TRPM3: variants seen among roughly 807,000 people sequenced by gnomAD.
TRPM3 encodes long transient receptor potential channel 3.
A neutral mutation model predicts 181.2 loss-of-function variants in TRPM3; 77 were observed. The observed-to-expected ratio is 0.42, with a 90% CI of 0.35 to 0.51. The LOEUF is 0.51. Among genes scored for constraint, TRPM3 ranks in the 20% least tolerant of loss-of-function variants. TRPM3 has a pLI of 0.01. For missense variants in TRPM3, 1,759 were observed against 2,196.7 expected, an observed-to-expected ratio of 0.80 and a Z score of 3.98; for synonymous variants, 745 against 796.4, an observed-to-expected ratio of 0.94 and a Z score of 1.09.
At chr9:71,157,304 G>A (rs1381843113) in intron 1 of TRPM3, among the ~76,000 whole-genome samples, 3 of 152,060 alleles carry the variant, frequency 2.0e-5, no homozygotes, top group Non-Finnish European at 4.4e-5. Flanking sequence ...CTTTAAAAAA[G>A]TCAGAAGCAG....
rs756406816 is a variant in TRPM3 at position 70,549,638 on chromosome 9, T to C, written c.3611A>G (p.His1204Arg). 1 of 1,611,678 alleles carries C rather than the reference T, an allele frequency of 6.2e-7. No homozygotes were observed. The highest frequency in any genetic ancestry group is 8.5e-7 in the Non-Finnish European group (1 of 1,179,800). Residue 1204 changes from histidine (H) to arginine (R), a missense_variant, in exon 25 of 26, where the codon CAT becomes CGT. By Grantham distance (29) the His-to-Arg change is conservative. Coordinates refer to ENST00000677713, the MANE Select transcript of TRPM3 (RefSeq NM_001366145.2). ...FITDDELKKV[H>R]DFEEQCIEEY... ...TTCTATGCATTGCTCTTCAAAGTCA[T>C]GTACTTTCTTGAGCTCATCATCGGT...
Position 70,535,861 on chromosome 9 carries a change from G to A in TRPM3, c.*92C>T. The stretch of plus-strand genomic sequence containing the variant: ...CTTGTTTTGCTCAGCTAAGAATAAA[G>A]CAGGTATGATTCAAGGAAAGGGGAA... On this transcript the variant is annotated 3_prime_UTR_variant, in exon 26 of 26. Coordinates refer to ENST00000677713, the MANE Select transcript of TRPM3 (RefSeq NM_001366145.2). The A allele has an allele frequency of 1.3e-6, 2 of 1,518,120 alleles. No homozygotes were observed. Among genetic ancestry groups the A allele is most frequent in the Non-Finnish European group, 8.8e-7 (1 of 1,138,312 alleles). The allele number at this position is 1,518,120 out of a possible 1,614,324, so 94.0% of individuals were successfully genotyped here. A position where few individuals can be genotyped will look rare whatever the true frequency, so the allele number is the denominator to read the frequency against.
At chr9:70,985,694 C>A (rs1477559277) in intron 1 of TRPM3, among the ~76,000 whole-genome samples, 2 of 152,006 alleles carry the variant, frequency 1.3e-5, no homozygotes, top group Non-Finnish European at 2.9e-5. Flanking sequence ...CTGTGCTGGG[C>A]CCTTTTGGGA....
chr9:71,380,974 A>G (rs2092786523), intron 1 of TRPM3, among the ~76,000 whole-genome samples: 1 of 149,104 alleles, frequency 6.7e-6, no homozygotes, highest in African/African-American at 2.5e-5. Flanking sequence ...AAGATCTGGA[A>G]CCACTCCTGT....
chr9:71,193,726 A>T (rs544363569), intron 1 of TRPM3, among the ~76,000 whole-genome samples: 2 of 152,096 alleles, frequency 1.3e-5, no homozygotes, highest in South Asian at 4.1e-4. Flanking sequence ...TTACTGAGTC[A>T]GTGGATGATG....
chr9:70,634,582 A>C (rs1258563946), intron 12 of TRPM3, among the ~76,000 whole-genome samples: 1 of 152,172 alleles, frequency 6.6e-6, no homozygotes, highest in Non-Finnish European at 1.5e-5. Flanking sequence ...CTAGCTCTTC[A>C]CTAAATGCCA....
chr9:70,536,855 C>T lies in TRPM3; in HGVS notation c.4258G>A (p.Asp1420Asn), dbSNP rs183872707. The T allele has an allele frequency of 6.5e-5, 105 of 1,614,092 alleles. No individual in the cohort carries two copies. In the East Asian group the frequency reaches 2.1e-3, roughly 32 times the overall value. ...SCIDIYVSAM[D>N]ELHCDIDPLD... The stretch of plus-strand genomic sequence containing the variant: ...GGGTCTATATCACAGTGGAGCTCAT[C>T]CATAGCAGAGACATAGATGTCTATA... Residue 1420 changes from aspartate (D) to asparagine (N), a missense_variant, in exon 26 of 26, where the codon GAT becomes AAT. Around this residue, in one of 8 missense-constraint regions of TRPM3, gnomAD observed 612 missense variants for 590.0 expected, o/e 1.04. Transcript: ENST00000677713.
chr9:71,443,968 C>G (rs976402196), intron 1 of TRPM3, among the ~76,000 whole-genome samples: 13 of 152,088 alleles, frequency 8.5e-5, no homozygotes, highest in African/African-American at 3.1e-4. Context: ...ATCACGAGGT[C>G]AGGAGATCGA....
chr9:71,093,471 A>G (rs1277858545), intron 1 of TRPM3, among the ~76,000 whole-genome samples: 1 of 137,406 alleles, frequency 7.3e-6, no homozygotes, highest in African/African-American at 2.5e-5. Flanking sequence ...TGCAGCCAAC[A>G]GACATATAAA....
intron 1 of TRPM3, among the ~76,000 whole-genome samples, chr9:70,890,794 G>T (rs1000941547): frequency 1.3e-5 from 2 of 152,036 alleles, no homozygotes; most frequent in African/African-American, 4.8e-5. Context: ...AAAAAACATG[G>T]TATCTAAAAA....
chr9:71,093,684 C>T (rs1360375687), intron 1 of TRPM3, among the ~76,000 whole-genome samples: 2 of 152,126 alleles, frequency 1.3e-5, no homozygotes, highest in Non-Finnish European at 2.9e-5. Context: ...TGTGGCGATT[C>T]CTCGAGGATC....
At chr9:71,414,683 T>C (rs889360251) in intron 1 of TRPM3, among the ~76,000 whole-genome samples, 1 of 152,056 alleles carries the variant, frequency 6.6e-6, no homozygotes, top group African/African-American at 2.4e-5. Context: ...GTTCAAAATC[T>C]CTACTAGCTT....
At chr9:71,424,861 G>A (rs1381063227) in intron 1 of TRPM3, among the ~76,000 whole-genome samples, 1 of 152,088 alleles carries the variant, frequency 6.6e-6, no homozygotes, top group East Asian at 1.9e-4. Flanking sequence ...TGTACACACT[G>A]TCTCCATGAC....
intron 1 of TRPM3, among the ~76,000 whole-genome samples, chr9:70,879,238 T>C (rs2095934842): frequency 6.6e-6 from 1 of 152,082 alleles, no homozygotes; most frequent in East Asian, 1.9e-4. Flanking sequence ...AACAGTCACT[T>C]TGGGCCAGGA....
intron 1 of TRPM3, among the ~76,000 whole-genome samples, chr9:71,011,065 G>C (rs1289871619): frequency 2.0e-5 from 3 of 152,016 alleles, no homozygotes; most frequent in African/African-American, 7.2e-5. Flanking sequence ...GGCACAGAAA[G>C]ACAAACACTA....
At chr9:70,921,922 C>CAT (rs1467562326) in intron 1 of TRPM3, among the ~76,000 whole-genome samples, 1 of 129,696 alleles carries the variant, frequency 7.7e-6, no homozygotes, top group Non-Finnish European at 1.6e-5. Context: ...CCACTATACA[C>CAT]ACACACACAC....
intron 1 of TRPM3, among the ~76,000 whole-genome samples, chr9:71,209,685 C>G (rs879555913): frequency 2.6e-5 from 4 of 152,128 alleles, no homozygotes; most frequent in Non-Finnish European, 5.9e-5. Flanking sequence ...CCTGCTGCCT[C>G]TTTTTGTCTG....
At chr9:71,147,447 A>G (rs2075481505) in intron 1 of TRPM3, among the ~76,000 whole-genome samples, 1 of 151,492 alleles carries the variant, frequency 6.6e-6, no homozygotes, top group African/African-American at 2.4e-5. Context: ...ACACACACAC[A>G]CACACACACA....
chr9:71,208,837 CAT>C (rs1200925735), intron 1 of TRPM3, among the ~76,000 whole-genome samples: 8 of 152,270 alleles, frequency 5.3e-5, no homozygotes, highest in African/African-American at 1.9e-4. Flanking sequence ...GTCAGGGACA[CAT>C]AAACATAAAG....
Sources: gnomAD v4.1 joint callset for allele counts (sites outside exome capture counted in the v4.1 genomes callset) on GRCh38, gnomAD v4.1.1 for gene constraint, gnomAD v4.1.1 regional missense constraint, MANE v1.5 for transcripts, NCBI Gene and HGNC (gene_info 2026-07-23, HGNC 2026-07-21) for gene names.